The following GOLGA7B variants were observed in gnomAD, a reference collection of about 807,000 sequenced individuals.
GOLGA7B encodes golgin subfamily A member 7B.
A neutral mutation model predicts 21.5 loss-of-function variants in GOLGA7B; 17 were observed. The ratio of observed to expected loss-of-function variants is 0.79; its 90% CI spans 0.54 to 1.19. The LOEUF (loss-of-function observed/expected upper bound fraction) is 1.19. Ranked by LOEUF, GOLGA7B falls within the 50% of genes most tolerant of loss-of-function variation. The pLI is 0.00. For synonymous variants in GOLGA7B, 87 were observed against 84.0 expected (o/e 1.04, Z -0.19); for missense variants, 169 against 224.4 (o/e 0.75, Z 1.58).
intron 2 of GOLGA7B, among the ~76,000 whole-genome samples, chr10:97,860,536 A>G (rs1157555063): frequency 6.6e-6 from 1 of 152,112 alleles, no homozygotes; most frequent in African/African-American, 2.4e-5. Flanking sequence ...TAATTTTAGT[A>G]GAGACGGGGT....
chr10:97,853,580 T>C (rs2136512629), intron 1 of GOLGA7B, among the ~76,000 whole-genome samples: 1 of 152,252 alleles, frequency 6.6e-6, no homozygotes, highest in South Asian at 2.1e-4. Context: ...GAAATGCTTC[T>C]CGGCCCTGTC....
intron 1 of GOLGA7B, among the ~76,000 whole-genome samples, chr10:97,851,956 A>G (rs11189412): frequency 0.66 from 100,176 of 152,126 alleles, 33,150 homozygotes; most frequent in East Asian, 0.84. Flanking sequence ...ACTATCGCAT[A>G]AGTGATCTCT....
rs1418811623 is a variant in GOLGA7B, at chr10:97,851,638, A to G, written c.12+1323A>G. Reference sequence around the variant, plus strand: ...CCAAGGAGTTGGTTACCTTCCAGATAGGGCTGCCAGACTGCAGCAGAGGCT... The same window carrying G: ...CCAAGGAGTTGGTTACCTTCCAGATGGGGCTGCCAGACTGCAGCAGAGGCT... On this transcript the variant is annotated intron_variant, in intron 1 of 4. Transcript: ENST00000370602. 2.6e-5 allele frequency among the ~76,000 whole-genome samples: 4 copies of G among 152,258 alleles called. No individual in the cohort carries two copies. The East Asian group carries it at 7.7e-4, about 29-fold the overall frequency.
At chr10:97,863,775 TC>T (rs1452097674) in intron 2 of GOLGA7B, among the ~76,000 whole-genome samples, 154 bp from the exon 3 acceptor site, 2 of 152,248 alleles carry the variant, frequency 1.3e-5, no homozygotes, top group East Asian at 3.8e-4. Context: ...AGGCCAGTGC[TC>T]TTTCGGCTCT....
Position 97,850,341 on chromosome 10 carries a change from G to T in GOLGA7B, c.12+26G>T, listed in dbSNP as rs912592261. 7.3e-6 allele frequency: 11 copies of T among 1,511,090 alleles called. No homozygotes were observed. In the East Asian group the frequency reaches 2.9e-4, roughly 41 times the overall value. The allele number at this position is 1,511,090 out of a possible 1,614,324, so 93.6% of individuals were successfully genotyped here. A position where few individuals can be genotyped will look rare whatever the true frequency, so the allele number is the denominator to read the frequency against. On this transcript the variant is annotated intron_variant, in intron 1 of 4. Transcript: ENST00000370602. ...GTAGGGGCGAGCGCCCCACCCGCAG[G>T]CAGTGCCCGATTGCCGCGGGACCAA...
At chr10:97,853,501 C>G (rs2049916788) in intron 1 of GOLGA7B, among the ~76,000 whole-genome samples, 1 of 152,184 alleles carries the variant, frequency 6.6e-6, no homozygotes, top group African/African-American at 2.4e-5. Context: ...CAGGCAGACT[C>G]CCCCTCCTTC....
At position 97,865,695 on chromosome 10, in the gene GOLGA7B, C is replaced by T. The variant is rs1193888972; in HGVS notation, c.499C>T (p.Arg167Trp). ...CGGTGGGGGTGGTGGGGCGGGGGCCCGGTGACTGGCCGAGAGTCCCTGTAG... is the reference window on the plus strand; with the variant it reads ...CGGTGGGGGTGGTGGGGCGGGGGCCTGGTGACTGGCCGAGAGTCCCTGTAG... ...SSGGGGGAGA[R>W] The change falls in exon 5 of 5, where the codon CGG becomes TGG. Residue 167 changes from arginine to tryptophan, a missense_variant. Coordinates refer to ENST00000370602, the MANE Select transcript of GOLGA7B (RefSeq NM_001010917.3). 5 of 1,604,512 alleles carry T rather than the reference C, an allele frequency of 3.1e-6. No individual in the cohort carries two copies. The highest frequency in any genetic ancestry group is 3.4e-6 in the Non-Finnish European group (4 of 1,175,632).
chr10:97,868,925 T>G lies in GOLGA7B; in HGVS notation c.*3225T>G, dbSNP rs1168803866. The G allele has an allele frequency of 2.0e-5, 3 of 152,188 alleles. No individual in the cohort carries two copies. The highest frequency in any genetic ancestry group is 1.9e-4 in the East Asian group (1 of 5,200). The allele number at this position is 152,188 out of a possible 1,614,324, so 9.4% of individuals were successfully genotyped here. A position where few individuals can be genotyped will look rare whatever the true frequency, so the allele number is the denominator to read the frequency against. ...GGCACTAGGCTAAGACTCTACATAA[T>G]TAGTCATTCAATTCTCACAGCAACC... On this transcript the variant is annotated 3_prime_UTR_variant, in exon 5 of 5. Transcript: ENST00000370602.
rs1198091156 is a variant in GOLGA7B, at chr10:97,863,653, A to C, written c.139-277A>C. Among the ~76,000 whole-genome samples the C allele has an allele frequency of 2.0e-5, 3 of 152,224 alleles. No homozygotes were observed. In the East Asian group the frequency reaches 5.8e-4, roughly 29 times the overall value. On this transcript the variant is annotated intron_variant, in intron 2 of 4. Coordinates refer to ENST00000370602, the MANE Select transcript of GOLGA7B (RefSeq NM_001010917.3). ...AGGACAAGCAGCCATTCTTATTCCC[A>C]TTTTATAGATGAGGAAACTGAAGCC...
At chr10:97,854,359 T>C (rs1402413542) in intron 1 of GOLGA7B, among the ~76,000 whole-genome samples, 3 of 152,284 alleles carry the variant, frequency 2.0e-5, no homozygotes, top group South Asian at 2.1e-4. Context: ...TGCCCCCAGG[T>C]CAGTGGGCCA....
intron 1 of GOLGA7B, among the ~76,000 whole-genome samples, chr10:97,851,183 G>A (rs896764310): frequency 2.6e-5 from 4 of 152,136 alleles, no homozygotes; most frequent in African/African-American, 7.2e-5. Context: ...GCAGCAGAGC[G>A]GAAAGTTTTT....
intron 2 of GOLGA7B, among the ~76,000 whole-genome samples, chr10:97,862,959 G>A (rs1161271507): frequency 2.6e-5 from 4 of 152,206 alleles, no homozygotes; most frequent in Admixed American, 6.5e-5. Flanking sequence ...GGTACTGAGT[G>A]AAGAGGAGAG....
chr10:97,862,621 A>G (rs2049977926), intron 2 of GOLGA7B, among the ~76,000 whole-genome samples: 1 of 152,160 alleles, frequency 6.6e-6, no homozygotes, highest in Admixed American at 6.5e-5. Context: ...GAAGAGGAGG[A>G]ACAGGACAGG....
In GOLGA7B at chr10:97,865,730, T is replaced by C. The variant is rs770197602; in HGVS notation, c.*30T>C. ...CCGAGAGTCCCTGTAGGGAGGTGTA[T>C]GGCCGGAGTGAGGGCCTTGCAGACC... On this transcript the variant is annotated 3_prime_UTR_variant, in exon 5 of 5. Coordinates refer to ENST00000370602, the MANE Select transcript of GOLGA7B (RefSeq NM_001010917.3). The C allele has an allele frequency of 1.3e-5, 19 of 1,512,894 alleles. No homozygotes were observed. The highest frequency in any genetic ancestry group is 1.1e-4 in the Admixed American group (6 of 55,592). The allele number at this position is 1,512,894 out of a possible 1,614,324, so 93.7% of individuals were successfully genotyped here. A position where few individuals can be genotyped will look rare whatever the true frequency, so the allele number is the denominator to read the frequency against.
intron 1 of GOLGA7B, among the ~76,000 whole-genome samples, chr10:97,854,635 G>A (rs1321421391): frequency 3.3e-5 from 5 of 152,326 alleles, no homozygotes; most frequent in African/African-American, 1.2e-4. Context: ...CTGGATAGTA[G>A]TCTAAGGCTC....
rs1048597671 is a variant in GOLGA7B at position 97,871,159 on chromosome 10, C to T, written c.*5459C>T. On this transcript the variant is annotated 3_prime_UTR_variant, in exon 5 of 5. Transcript: ENST00000370602. ...AGTGCCAAGGGCAGCCTGCACCAAG[C>T]TCACAACTCTTCCTCCAAGAGGATG... 2 of 152,202 alleles carry T rather than the reference C, an allele frequency of 1.3e-5. No homozygotes were observed. The highest frequency in any genetic ancestry group is 2.4e-5 in the African/African-American group (1 of 41,438). 9.4% of individuals were successfully genotyped at this position (152,202 alleles called of 1,614,324 possible). A position where few individuals can be genotyped will look rare whatever the true frequency, so the allele number is the denominator to read the frequency against.
intron 2 of GOLGA7B, among the ~76,000 whole-genome samples, chr10:97,859,863 A>G (rs537836996): frequency 6.6e-6 from 1 of 152,320 alleles, no homozygotes; most frequent in African/African-American, 2.4e-5. Context: ...AGAGCTTGTT[A>G]AACAAATGGA....
At position 97,869,288 on chromosome 10, in the gene GOLGA7B, G is replaced by A. The variant is rs1590168058; in HGVS notation, c.*3588G>A. ...CAGAGGCAGCCCGGTGAAGGGTAGTGGGGGACTCGACTCACTGTGGGCCTG... is the reference window on the plus strand; with the variant it reads ...CAGAGGCAGCCCGGTGAAGGGTAGTAGGGGACTCGACTCACTGTGGGCCTG... On this transcript the variant is annotated 3_prime_UTR_variant, in exon 5 of 5. Transcript: ENST00000370602. The A allele has an allele frequency of 6.6e-6, 1 of 152,650 alleles. No homozygotes were observed. Among genetic ancestry groups the A allele is most frequent in the East Asian group, 1.9e-4 (1 of 5,194 alleles). 9.5% of individuals were successfully genotyped at this position (152,650 alleles called of 1,614,324 possible).
In GOLGA7B at chr10:97,871,238, G is replaced by C. The variant is rs758307942; in HGVS notation, c.*5538G>C. ...CTGGACAGCAGAACTTCGCATGCAG[G>C]ATCCTGGAGCTGCGTCGGGTTTTGA... On this transcript the variant is annotated 3_prime_UTR_variant, in exon 5 of 5. Coordinates refer to ENST00000370602, the MANE Select transcript of GOLGA7B (RefSeq NM_001010917.3). 6.6e-6 allele frequency: 1 copy of C among 152,208 alleles called. No individual in the cohort carries two copies. Among genetic ancestry groups the C allele is most frequent in the Non-Finnish European group, 1.5e-5 (1 of 68,038 alleles). 9.4% of individuals were successfully genotyped at this position (152,208 alleles called of 1,614,324 possible). A position where few individuals can be genotyped will look rare whatever the true frequency, so the allele number is the denominator to read the frequency against.
Sources: gnomAD v4.1 joint callset for allele counts (sites outside exome capture counted in the v4.1 genomes callset) on GRCh38, gnomAD v4.1.1 for gene constraint, MANE v1.5 for transcripts, NCBI Gene and HGNC (gene_info 2026-07-23, HGNC 2026-07-21) for gene names.